PITPNC1: variants seen among roughly 807,000 people sequenced by gnomAD.
PITPNC1 encodes phosphatidylinositol transfer protein cytoplasmic 1, also known as cytoplasmic phosphatidylinositol transfer protein 1.
Under a neutral mutation model 44.7 loss-of-function variants are expected in PITPNC1, and 18 were observed. The observed-to-expected ratio is 0.40, with a 90% CI of 0.28 to 0.60. The LOEUF (loss-of-function observed/expected upper bound fraction) is 0.60. Ranked by LOEUF, PITPNC1 falls within the 20% of genes least tolerant of loss-of-function variation. The pLI, the probability that PITPNC1 is intolerant of heterozygous loss-of-function variation, is 0.39. For synonymous variants in PITPNC1, 141 were observed against 149.6 expected (o/e 0.94, Z 0.42); for missense variants, 290 against 418.4 (o/e 0.69, Z 2.68).
rs116744118 is a variant in PITPNC1, at chr17:67,627,227, C to T, written c.367-4916C>T. On this transcript the variant is annotated intron_variant, in intron 5 of 8. Coordinates refer to ENST00000581322, the MANE Select transcript of PITPNC1 (RefSeq NM_012417.4). ...GAGATCGTGCCATCGCACTCCAGCC[C>T]GGGGGACAAGAGTGAGACTTCATCT... 7.0e-3 allele frequency among the ~76,000 whole-genome samples: 1,070 copies of T among 152,236 alleles called. 14 individuals are homozygous for T. The highest frequency in any genetic ancestry group is 0.025 in the African/African-American group (1,037 of 41,540).
intron 1 of PITPNC1, among the ~76,000 whole-genome samples, chr17:67,478,016 G>C (rs8079918): frequency 1.9e-3 from 286 of 152,260 alleles, no homozygotes; most frequent in African/African-American, 6.7e-3. Flanking sequence ...CAACTTGTTT[G>C]GTTCGGCCCC....
rs1160152426 is a variant in PITPNC1 at position 67,599,034 on chromosome 17, A to ATTTTTT, written c.366+20792_366+20797dup. On this transcript the variant is annotated intron_variant, in intron 5 of 8. Transcript: ENST00000581322. Reference sequence around the variant, plus strand: ...TATATATATATATATATATATATATATTTTTTTTTTTTTTTTTTTTACCAT... The same window carrying ATTTTTT: ...TATATATATATATATATATATATATATTTTTTTTTTTTTTTTTTTTTTTTTTACCAT... Among the ~76,000 whole-genome samples the ATTTTTT allele has an allele frequency of 9.8e-4, 35 of 35,670 alleles. 2 individuals carry two copies. The highest frequency in any genetic ancestry group is 3.9e-3 in the African/African-American group (34 of 8,722). The allele number at this position is 35,670 out of a possible 152,430, so 23.4% of individuals were successfully genotyped here.
At chr17:67,521,033 C>G (rs2040319120) in intron 1 of PITPNC1, among the ~76,000 whole-genome samples, 2 of 152,286 alleles carry the variant, frequency 1.3e-5, no homozygotes, top group South Asian at 4.1e-4. Flanking sequence ...CTTGCATAGA[C>G]TATGAAGACT....
At chr17:67,599,799 C>G (rs200169207) in intron 5 of PITPNC1, among the ~76,000 whole-genome samples, 1 of 152,078 alleles carries the variant, frequency 6.6e-6, no homozygotes, top group Admixed American at 6.6e-5. Flanking sequence ...AAGGGAGAAG[C>G]CTTTGCAAGA....
intron 1 of PITPNC1, among the ~76,000 whole-genome samples, chr17:67,393,697 C>T (rs1019042919): frequency 2.6e-5 from 4 of 152,124 alleles, no homozygotes; most frequent in African/African-American, 9.7e-5. Context: ...ACTTTAGAAG[C>T]ATTTCAAAGA....
At chr17:67,460,300 C>T (rs986856919) in intron 1 of PITPNC1, among the ~76,000 whole-genome samples, 1 of 152,182 alleles carries the variant, frequency 6.6e-6, no homozygotes, top group Non-Finnish European at 1.5e-5. Flanking sequence ...CACTCCGCTG[C>T]AGGGTTTAGC....
At chr17:67,535,558 A>G (rs2040516418) in intron 2 of PITPNC1, among the ~76,000 whole-genome samples, 1 of 151,956 alleles carries the variant, frequency 6.6e-6, no homozygotes, top group Non-Finnish European at 1.5e-5. Flanking sequence ...TTGTCATATC[A>G]TATTTATATC....
chr17:67,588,484 G>A (rs113882582), intron 5 of PITPNC1, among the ~76,000 whole-genome samples: 35 of 152,122 alleles, frequency 2.3e-4, no homozygotes, highest in African/African-American at 8.0e-4. Flanking sequence ...ATCTCATACC[G>A]TCCTGCCCCA....
chr17:67,603,799 G>A (rs545051057), intron 5 of PITPNC1, among the ~76,000 whole-genome samples: 1 of 152,050 alleles, frequency 6.6e-6, no homozygotes, highest in African/African-American at 2.4e-5. Flanking sequence ...GCTTGGTGGT[G>A]CATGCTTGTA....
chr17:67,585,790 G>A (rs1395230351), intron 5 of PITPNC1, among the ~76,000 whole-genome samples: 1 of 152,150 alleles, frequency 6.6e-6, no homozygotes, highest in Non-Finnish European at 1.5e-5. Context: ...GGGTGATAGA[G>A]AGAGACGCTG....
intron 5 of PITPNC1, among the ~76,000 whole-genome samples, chr17:67,589,924 T>C (rs764675258): frequency 2.6e-5 from 4 of 151,830 alleles, no homozygotes; most frequent in Non-Finnish European, 2.9e-5. Context: ...GCTGAGATCA[T>C]ACCACTGCAC....
intron 1 of PITPNC1, among the ~76,000 whole-genome samples, chr17:67,425,193 G>GCGCGCGCGCGCGCACACACACACA (rs1160522771): frequency 9.6e-5 from 5 of 52,122 alleles, no homozygotes; most frequent in East Asian, 5.5e-4. Flanking sequence ...TTGTGCGCGC[G>GCGCGCGCGCGCGCACACACACACA]CACGCACACG....
intron 7 of PITPNC1, among the ~76,000 whole-genome samples, chr17:67,674,360 C>T (rs766461583): frequency 6.6e-6 from 1 of 151,918 alleles, no homozygotes; most frequent in African/African-American, 2.4e-5. Context: ...AAAAATTAGC[C>T]AGGCATGGTG....
chr17:67,515,603 G>C (rs1243272979), intron 1 of PITPNC1, among the ~76,000 whole-genome samples: 2 of 152,178 alleles, frequency 1.3e-5, no homozygotes, highest in Non-Finnish European at 2.9e-5. Flanking sequence ...CAACTGATAA[G>C]AGAGTGTGGG....
intron 1 of PITPNC1, among the ~76,000 whole-genome samples, chr17:67,466,076 C>T (rs964874485): frequency 6.6e-5 from 10 of 151,792 alleles, no homozygotes; most frequent in Admixed American, 2.0e-4. Flanking sequence ...TCATAGTTCA[C>T]TGCAGCCTTG....
At chr17:67,555,251 A>G (rs1032885443) in intron 4 of PITPNC1, among the ~76,000 whole-genome samples, 1 of 152,104 alleles carries the variant, frequency 6.6e-6, no homozygotes, top group Admixed American at 6.5e-5. Context: ...CTACCCTTGG[A>G]TTGGAAAACA....
At chr17:67,464,172 G>C (rs567857126) in intron 1 of PITPNC1, among the ~76,000 whole-genome samples, 1 of 150,862 alleles carries the variant, frequency 6.6e-6, no homozygotes, top group Non-Finnish European at 1.5e-5. Context: ...CAGCCTGGGC[G>C]ACAGAACGAG....
chr17:67,640,224 T>C (rs2144348551), intron 6 of PITPNC1, among the ~76,000 whole-genome samples: 1 of 152,084 alleles, frequency 6.6e-6, no homozygotes, highest in East Asian at 1.9e-4. Context: ...TGGGGAGAAG[T>C]CCCTGCTGCC....
intron 5 of PITPNC1, among the ~76,000 whole-genome samples, chr17:67,583,539 G>A (rs2041263341): frequency 7.1e-6 from 1 of 140,368 alleles, no homozygotes; most frequent in Non-Finnish European, 1.5e-5. Context: ...AGGGAGCCGA[G>A]ATCACACCAC....
Sources: gnomAD v4.1 joint callset for allele counts (sites outside exome capture counted in the v4.1 genomes callset) on GRCh38, gnomAD v4.1.1 for gene constraint, MANE v1.5 for transcripts, NCBI Gene and HGNC (gene_info 2026-07-23, HGNC 2026-07-21) for gene names.